REC114: variants seen among roughly 807,000 people sequenced by gnomAD.
REC114 encodes meiotic recombination protein REC114.
REC114 carries 27 observed loss-of-function variants against 31.3 expected under a neutral mutation model. The observed-to-expected ratio is 0.86, with a 90% CI of 0.64 to 1.19. REC114 has a LOEUF of 1.19. Among genes scored for constraint, REC114 ranks in the 50% most tolerant of loss-of-function variants. REC114 has a pLI of 0.00. For missense variants in REC114, 344 were observed against 326.9 expected, an observed-to-expected ratio of 1.05 and a Z score of -0.40; for synonymous variants, 134 against 127.7, an observed-to-expected ratio of 1.05 and a Z score of -0.33.
At chr15:73,534,959 G>A (rs1894134648) in intron 2 of REC114, among the ~76,000 whole-genome samples, 1 of 143,260 alleles carries the variant, frequency 7.0e-6, no homozygotes, top group African/African-American at 2.7e-5. Context: ...TGCAGAAAAA[G>A]CCTTTGACAA....
At chr15:73,473,785 T>C in intron 1 of REC114, 47 bp from the exon 2 acceptor site, 2 of 1,082,248 alleles carry the variant, frequency 1.8e-6, no homozygotes, top group Non-Finnish European at 2.7e-6. Context: ...TTATCAGTTA[T>C]AGAAATGTAT....
chr15:73,451,714 C>T (rs1359150254), intron 1 of REC114, among the ~76,000 whole-genome samples: 2 of 152,192 alleles, frequency 1.3e-5, no homozygotes, highest in Non-Finnish European at 2.9e-5. Context: ...CCCTGATGAA[C>T]ATTGATGCGA....
chr15:73,517,376 G>A (rs1893872419), intron 2 of REC114, among the ~76,000 whole-genome samples: 1 of 152,202 alleles, frequency 6.6e-6, no homozygotes, highest in Non-Finnish European at 1.5e-5. Flanking sequence ...AAGAGGAAGA[G>A]TGGGCAAGAA....
chr15:73,515,900 T>C (rs1315599839), intron 2 of REC114, among the ~76,000 whole-genome samples: 1 of 152,206 alleles, frequency 6.6e-6, no homozygotes, highest in East Asian at 1.9e-4. Flanking sequence ...TAGGATGTGT[T>C]GAAGGCACAT....
chr15:73,522,154 A>G (rs1413909284), intron 2 of REC114, among the ~76,000 whole-genome samples: 1 of 152,184 alleles, frequency 6.6e-6, no homozygotes, highest in East Asian at 1.9e-4. Flanking sequence ...CTTCCCTGTC[A>G]TGTATACACA....
chr15:73,559,812 G>C lies in REC114; in HGVS notation c.697G>C (p.Glu233Gln). ...TGAACAATCTGCATGGGGTGCAGAA[G>C]AGTTAGGCCCCTTCCTACGTTTGTG... Reference protein sequence around the residue: ...VYEQSAWGAEELGPFLRLCLM... With the variant: ...VYEQSAWGAEQLGPFLRLCLM... The change falls in exon 6 of 6, where the codon GAG (glutamate) becomes CAG (glutamine). Residue 233 changes from glutamate (E) to glutamine (Q), a missense_variant. Physicochemically the swap from Glu to Gln is conservative, Grantham distance 29 (BLOSUM62 2). Transcript: ENST00000331090. 1.9e-6 allele frequency: 3 copies of C among 1,612,896 alleles called. No individual in the cohort carries two copies. Among genetic ancestry groups the C allele is most frequent in the Non-Finnish European group, 8.5e-7 (1 of 1,179,486 alleles).
intron 2 of REC114, among the ~76,000 whole-genome samples, chr15:73,486,330 G>A (rs991251318): frequency 2.6e-5 from 4 of 152,002 alleles, no homozygotes; most frequent in East Asian, 1.9e-4. Flanking sequence ...GCTCCTGACC[G>A]CGTGATCTGC....
At chr15:73,531,878 A>G (rs908891241) in intron 2 of REC114, among the ~76,000 whole-genome samples, 1 of 150,398 alleles carries the variant, frequency 6.6e-6, no homozygotes, top group African/African-American at 2.5e-5. Flanking sequence ...GGAAACTCTC[A>G]CCCCTCTTAG....
At chr15:73,463,741 A>AACCC in intron 1 of REC114, among the ~76,000 whole-genome samples, 1 of 152,230 alleles carries the variant, frequency 6.6e-6, no homozygotes, top group East Asian at 1.9e-4. Flanking sequence ...GAATCACTTG[A>AACCC]ACCCACGAGA....
At chr15:73,459,427 T>A (rs1892960192) in intron 1 of REC114, among the ~76,000 whole-genome samples, 1 of 152,022 alleles carries the variant, frequency 6.6e-6, no homozygotes, top group South Asian at 2.1e-4. Context: ...AGAGACGGTT[T>A]CACCATGCTG....
chr15:73,471,493 T>G (rs936282149), intron 1 of REC114, among the ~76,000 whole-genome samples: 1 of 152,182 alleles, frequency 6.6e-6, no homozygotes, highest in Admixed American at 6.5e-5. Flanking sequence ...AAATAGTGAA[T>G]GAGAAGGTTA....
chr15:73,444,974 A>G (rs923972604), intron 1 of REC114, among the ~76,000 whole-genome samples: 2 of 152,216 alleles, frequency 1.3e-5, no homozygotes, highest in African/African-American at 2.4e-5. Flanking sequence ...GAACAATAAT[A>G]TTTTGACAAG....
chr15:73,474,352 CAT>C (rs1276879002), intron 2 of REC114, among the ~76,000 whole-genome samples: 1 of 152,080 alleles, frequency 6.6e-6, no homozygotes, highest in Non-Finnish European at 1.5e-5. Flanking sequence ...TATGGTGATA[CAT>C]GTGTTCTTTA....
At chr15:73,495,404 A>G (rs998208880) in intron 2 of REC114, among the ~76,000 whole-genome samples, 1 of 152,024 alleles carries the variant, frequency 6.6e-6, no homozygotes, top group East Asian at 1.9e-4. Flanking sequence ...AGTTTGCATC[A>G]ATATGTAGCT....
At chr15:73,534,580 C>G (rs1367825998) in intron 2 of REC114, among the ~76,000 whole-genome samples, 1 of 152,012 alleles carries the variant, frequency 6.6e-6, no homozygotes, top group Non-Finnish European at 1.5e-5. Flanking sequence ...GATGGATTCA[C>G]AGCCGAATTC....
chr15:73,536,554 G>A (rs1894159446), intron 2 of REC114, among the ~76,000 whole-genome samples: 1 of 152,186 alleles, frequency 6.6e-6, no homozygotes, highest in Non-Finnish European at 1.5e-5. Flanking sequence ...GTCAGGAAAA[G>A]CTACAGAGAA....
intron 4 of REC114, among the ~76,000 whole-genome samples, chr15:73,552,180 A>C (rs1348029744): frequency 6.6e-6 from 1 of 152,184 alleles, no homozygotes; most frequent in Non-Finnish European, 1.5e-5. Flanking sequence ...ACTTTAAGCA[A>C]CTCACTCGTT....
intron 1 of REC114, among the ~76,000 whole-genome samples, chr15:73,463,599 T>C (rs1893018270): frequency 6.6e-6 from 1 of 152,178 alleles, no homozygotes; most frequent in Non-Finnish European, 1.5e-5. Flanking sequence ...GGTGGGTGAA[T>C]CACTTGAGGT....
intron 2 of REC114, among the ~76,000 whole-genome samples, chr15:73,499,068 C>T (rs998343290): frequency 1.3e-5 from 2 of 152,048 alleles, no homozygotes; most frequent in African/African-American, 4.8e-5. Flanking sequence ...CTAAACTCTT[C>T]CCCATGTCAT....
Sources: gnomAD v4.1 joint callset for allele counts (sites outside exome capture counted in the v4.1 genomes callset) on GRCh38, gnomAD v4.1.1 for gene constraint, MANE v1.5 for transcripts, NCBI Gene and HGNC (gene_info 2026-07-23, HGNC 2026-07-21) for gene names.